PCDHA4: variants seen among roughly 807,000 people sequenced by gnomAD.
PCDHA4 encodes the protein protocadherin alpha 4.
PCDHA4 carries 49 observed loss-of-function variants against 61.4 expected under a neutral mutation model. The ratio of observed to expected loss-of-function variants is 0.80; its 90% confidence interval spans 0.63 to 1.01. The LOEUF (loss-of-function observed/expected upper bound fraction) is 1.01, where lower values mean the gene tolerates loss of function less well. Ranked by LOEUF, PCDHA4 falls within the 50% of genes least tolerant of loss-of-function variation. The probability of loss-of-function intolerance (pLI) is 0.00; values close to 1 mark genes in which losing one functional copy is unlikely to be tolerated. For synonymous variants in PCDHA4, 590 were observed against 550.3 expected, an observed-to-expected ratio of 1.07 and a Z score of -1.01; for missense variants, 1,254 against 1,235.8, an observed-to-expected ratio of 1.01 and a Z score of -0.22.
rs2150246964 is a variant in PCDHA4, at chr5:140,835,869, G to A, written c.2385+26297G>A. On this transcript the variant is annotated intron_variant, in intron 1 of 3. Transcript: ENST00000530339. ...CGCGCTGGTGTCCTACTCGCTGGTG[G>A]AGCTGCGGGTGGGCGAGCGCGCGCT... The A allele has an allele frequency of 6.8e-6, 11 of 1,611,976 alleles. No individual in the cohort carries two copies. The African/African-American group carries it at 1.3e-4, about 20-fold the overall frequency.
chr5:140,807,797 G>A lies in PCDHA4; in HGVS notation c.610G>A (p.Glu204Lys). 3.7e-6 allele frequency: 6 copies of A among 1,614,150 alleles called. No individual in the cohort carries two copies. Among genetic ancestry groups the A allele is most frequent in the Non-Finnish European group, 5.1e-6 (6 of 1,180,040 alleles). The change falls in exon 1 of 4, where the codon GAA becomes AAA. Residue 204 changes from glutamate to lysine, a missense_variant. Transcript: ENST00000530339. ...ATTACGGAAATCTTTAGACAGAGAA[G>A]AAGCTCCGGAGATTTTTTTAGTGCT... ...LILRKSLDRE[E>K]APEIFLVLTA... is the part of the protein sequence containing the mutation.
chr5:140,855,864 G>A, intron 1 of PCDHA4: 6 of 775,890 alleles, frequency 7.7e-6, no homozygotes, highest in African/African-American at 1.7e-5. Context: ...TGTCGCTGTC[G>A]TCCACAAAAT....
chr5:140,893,656 T>C (rs950016091), intron 1 of PCDHA4, among the ~76,000 whole-genome samples: 1 of 152,222 alleles, frequency 6.6e-6, no homozygotes. Flanking sequence ...CTGATAGTTT[T>C]AAAAAATTTC....
Position 140,843,852 on chromosome 5 carries a change from T to A in PCDHA4, c.2385+34280T>A, listed in dbSNP as rs1779120193. 7.3e-6 allele frequency: 7 copies of A among 964,906 alleles called. 1 individual carries two copies. The highest frequency in any genetic ancestry group is 1.1e-5 in the Non-Finnish European group (7 of 652,752). 59.8% of individuals were successfully genotyped at this position (964,906 alleles called of 1,614,324 possible). ...TTGTTTAGTTTTTAGAAACCTTTTA[T>A]AATTAATTGAATTTTCTCAGTGGCA... On this transcript the variant is annotated intron_variant, in intron 1 of 3. Transcript: ENST00000530339.
intron 1 of PCDHA4, among the ~76,000 whole-genome samples, chr5:140,924,043 G>C (rs2081638586): frequency 6.6e-6 from 1 of 152,176 alleles, no homozygotes; most frequent in Non-Finnish European, 1.5e-5. Flanking sequence ...AGACCTAAAA[G>C]TTCGGTACAT....
chr5:140,826,952 G>A (rs1202184500), intron 1 of PCDHA4, among the ~76,000 whole-genome samples: 1 of 152,130 alleles, frequency 6.6e-6, no homozygotes, highest in Non-Finnish European at 1.5e-5. Context: ...AATAAGGCAA[G>A]CCAGGGAAAA....
rs1374151299 is a variant in PCDHA4 at position 141,010,790 on chromosome 5, A to G, written c.*853A>G. The G allele has an allele frequency of 2.0e-5, 3 of 153,822 alleles. No homozygotes were observed. Among genetic ancestry groups the G allele is most frequent in the Admixed American group, 6.5e-5 (1 of 15,286 alleles). The allele number at this position is 153,822 out of a possible 1,614,324, so 9.5% of individuals were successfully genotyped here. Reference sequence around the variant, plus strand: ...CTTTTCCAATACTTATGCAAAAGCAAAAGAAAACCCCGACACCTCACCTTT... The same window carrying G: ...CTTTTCCAATACTTATGCAAAAGCAGAAGAAAACCCCGACACCTCACCTTT... On this transcript the variant is annotated 3_prime_UTR_variant, in exon 4 of 4. Coordinates refer to ENST00000530339, the MANE Select transcript of PCDHA4 (RefSeq NM_018907.4).
chr5:140,895,515 G>A (rs2065042106), intron 1 of PCDHA4, among the ~76,000 whole-genome samples: 1 of 151,948 alleles, frequency 6.6e-6, no homozygotes, highest in Non-Finnish European at 1.5e-5. Flanking sequence ...ATTTTTAATT[G>A]GTTTATTCGT....
At chr5:141,001,705 G>A (rs2098033380) in intron 3 of PCDHA4, among the ~76,000 whole-genome samples, 1 of 152,194 alleles carries the variant, frequency 6.6e-6, no homozygotes, top group African/African-American at 2.4e-5. Context: ...GAAATAGGGG[G>A]CGGGGAAGGA....
chr5:140,933,441 C>T (rs1197059199), intron 1 of PCDHA4, among the ~76,000 whole-genome samples: 1 of 151,990 alleles, frequency 6.6e-6, no homozygotes, highest in African/African-American at 2.4e-5. Flanking sequence ...ACTCTAATGA[C>T]ATACCTTCAA....
At chr5:140,828,871 A>C in intron 1 of PCDHA4, 1 of 1,614,250 alleles carries the variant, frequency 6.2e-7, no homozygotes, top group Non-Finnish European at 8.5e-7. Context: ...ACGGAACAAC[A>C]GTTATCAGAC....
chr5:140,965,323 G>A (rs2095891055), intron 1 of PCDHA4, among the ~76,000 whole-genome samples: 1 of 152,176 alleles, frequency 6.6e-6, no homozygotes, highest in South Asian at 2.1e-4. Flanking sequence ...TTTTACTGAA[G>A]TGAATTTGTT....
At chr5:141,005,556 G>T (rs62384513) in intron 3 of PCDHA4, among the ~76,000 whole-genome samples, 1 of 151,476 alleles carries the variant, frequency 6.6e-6, no homozygotes, top group South Asian at 2.1e-4. Flanking sequence ...ACAAAAATTA[G>T]CCGGGCATGG....
chr5:141,007,683 A>G (rs576789056), intron 3 of PCDHA4, among the ~76,000 whole-genome samples: 1 of 152,268 alleles, frequency 6.6e-6, no homozygotes, highest in African/African-American at 2.4e-5. Context: ...AAGTTATCCT[A>G]CTTCCACCTC....
intron 1 of PCDHA4, chr5:140,824,238 T>G: frequency 1.3e-6 from 2 of 1,505,084 alleles, no homozygotes; most frequent in African/African-American, 1.4e-5. Flanking sequence ...ACACAAATAT[T>G]GTGGTACACA....
At chr5:140,849,667 C>T in intron 1 of PCDHA4, 1 of 1,598,692 alleles carries the variant, frequency 6.3e-7, no homozygotes, top group South Asian at 1.1e-5. Context: ...TCCCTGACGC[C>T]CCACGTCCCC....
At position 140,848,511 on chromosome 5, in the gene PCDHA4, C is replaced by A. The variant is rs1554142145; in HGVS notation, c.2385+38939C>A. On this transcript the variant is annotated intron_variant, in intron 1 of 3. Transcript: ENST00000530339. ...AGTATTTGAAATGTTATACTCAAGT[C>A]GAGGAGATCCAGAGGGTCAGCCTCT... is the stretch of plus-strand genomic sequence containing the variant. 3 of 1,589,608 alleles carry A rather than the reference C, an allele frequency of 1.9e-6. No individual in the cohort carries two copies. The Admixed American group carries it at 5.1e-5, about 27-fold the overall frequency.
At chr5:140,928,227 T>G (rs781923359) in intron 1 of PCDHA4, 2 of 1,614,198 alleles carry the variant, frequency 1.2e-6, no homozygotes, top group South Asian at 2.2e-5. Context: ...CACCAAACTT[T>G]CCTCAACCCC....
chr5:140,822,550 T>C, intron 1 of PCDHA4: 1 of 1,613,768 alleles, frequency 6.2e-7, no homozygotes, highest in Non-Finnish European at 8.5e-7. Context: ...AAGTGGGACA[T>C]TAGTTATTAA....
Sources: allele counts gnomAD v4.1 joint callset (sites outside exome capture counted in the v4.1 genomes callset), GRCh38; gene constraint gnomAD v4.1.1; transcripts MANE v1.5; gene names NCBI Gene and HGNC (gene_info 2026-07-23, HGNC 2026-07-21).